Variants in RGS7 observed in about 807,000 individuals in gnomAD.
The protein encoded by RGS7 is regulator of G protein signaling 7, also known as regulator of G-protein signaling 7.
RGS7 carries 27 observed loss-of-function variants against 81.1 expected under a neutral mutation model. The observed-to-expected ratio is 0.33, with a 90% CI of 0.25 to 0.46. RGS7 has a LOEUF of 0.46. Ranked by LOEUF, RGS7 falls within the 20% of genes least tolerant of loss-of-function variation. The pLI is 1.00. For missense variants in RGS7, 396 were observed against 607.4 expected (o/e 0.65, Z 3.66); for synonymous variants, 208 against 207.7 (o/e 1.00, Z -0.01).
chr1:241,121,963 C>T (rs2066298412), intron 2 of RGS7, among the ~76,000 whole-genome samples: 1 of 152,090 alleles, frequency 6.6e-6, no homozygotes, highest in Non-Finnish European at 1.5e-5. Context: ...CTTAGCCTCC[C>T]AAAATGCTGG....
At chr1:240,957,493 C>T (rs1234068104) in intron 4 of RGS7, among the ~76,000 whole-genome samples, 1 of 152,206 alleles carries the variant, frequency 6.6e-6, no homozygotes, top group African/African-American at 2.4e-5. Context: ...CTCCCCTTCA[C>T]ATATACATCT....
chr1:240,890,443 A>G lies in RGS7; in HGVS notation c.386-20324T>C, dbSNP rs931041928. On this transcript the variant is annotated intron_variant, in intron 6 of 18. Coordinates refer to ENST00000440928, the MANE Select transcript of RGS7 (RefSeq NM_001364886.1). ...TGGGATTACAGGGGTGAGCCACCAT[A>G]CCCAGCCTTGCCTCCTTTTTAGAAG... Among the ~76,000 whole-genome samples the G allele has an allele frequency of 3.9e-5, 6 of 152,262 alleles. No individual in the cohort carries two copies. The South Asian group carries it at 8.3e-4, about 21-fold the overall frequency.
chr1:241,022,070 C>T (rs993451133), intron 3 of RGS7, among the ~76,000 whole-genome samples: 2 of 152,204 alleles, frequency 1.3e-5, no homozygotes, highest in Non-Finnish European at 2.9e-5. Context: ...ACAATATTAT[C>T]TGCCATTGAT....
intron 11 of RGS7, among the ~76,000 whole-genome samples, chr1:240,816,045 T>A (rs1422863898): frequency 2.0e-5 from 3 of 152,230 alleles, no homozygotes; most frequent in Non-Finnish European, 4.4e-5. Flanking sequence ...CAAATCAGCA[T>A]ATGTGATTTT....
chr1:240,889,558 C>A (rs188333114), intron 6 of RGS7, among the ~76,000 whole-genome samples: 5 of 152,204 alleles, frequency 3.3e-5, no homozygotes, highest in African/African-American at 7.2e-5. Context: ...GGGATTTACA[C>A]GTAATTATTT....
chr1:241,308,126 G>A (rs952802026), intron 2 of RGS7, among the ~76,000 whole-genome samples: 1 of 151,750 alleles, frequency 6.6e-6, no homozygotes, highest in African/African-American at 2.4e-5. Flanking sequence ...AATGATGCCA[G>A]GCTTTGCTGT....
At chr1:240,777,475 C>G (rs1383764987) in intron 18 of RGS7, among the ~76,000 whole-genome samples, 2 of 152,032 alleles carry the variant, frequency 1.3e-5, no homozygotes, top group Non-Finnish European at 2.9e-5. Flanking sequence ...ACAGTCATAG[C>G]AATACTCTTG....
chr1:241,306,392 C>A (rs1475346001), intron 2 of RGS7, among the ~76,000 whole-genome samples: 1 of 151,060 alleles, frequency 6.6e-6, no homozygotes, highest in Non-Finnish European at 1.5e-5. Flanking sequence ...CCCTTACACC[C>A]TTACACACAC....
At chr1:241,195,223 G>A (rs1262141089) in intron 2 of RGS7, among the ~76,000 whole-genome samples, 1 of 152,150 alleles carries the variant, frequency 6.6e-6, no homozygotes, top group Non-Finnish European at 1.5e-5. Context: ...CGCCTGTAAT[G>A]CCAGCACTTT....
chr1:240,790,609 C>A (rs1300186988), intron 18 of RGS7, among the ~76,000 whole-genome samples: 1 of 152,176 alleles, frequency 6.6e-6, no homozygotes, highest in Admixed American at 6.5e-5. Context: ...GGATTAATAG[C>A]TGGAAGTTAC....
chr1:241,301,810 T>A (rs182949124), intron 2 of RGS7, among the ~76,000 whole-genome samples: 1 of 152,358 alleles, frequency 6.6e-6, no homozygotes, highest in East Asian at 1.9e-4. Context: ...ACCTTTTGAA[T>A]AGAATCTAAA....
intron 4 of RGS7, among the ~76,000 whole-genome samples, chr1:240,951,607 A>G (rs1481237850): frequency 6.6e-6 from 1 of 152,182 alleles, no homozygotes; most frequent in Non-Finnish European, 1.5e-5. Context: ...GAAGAAAAAA[A>G]TAACAAGGAA....
intron 3 of RGS7, among the ~76,000 whole-genome samples, chr1:241,000,471 G>T (rs867503113): frequency 2.6e-5 from 4 of 152,060 alleles, no homozygotes; most frequent in African/African-American, 9.7e-5. Context: ...CAAAACATCT[G>T]AAAACAAAGA....
At position 240,868,145 on chromosome 1, in the gene RGS7, A is replaced by AGAAG; in HGVS notation, c.609+441_609+442insCTTC. Among the ~76,000 whole-genome samples the AGAAG allele has an allele frequency of 2.5e-5, 3 of 118,560 alleles. No individual in the cohort carries two copies. Among genetic ancestry groups the AGAAG allele is most frequent in the African/African-American group, 1.6e-4 (3 of 18,320 alleles). 77.8% of individuals were successfully genotyped at this position (118,560 alleles called of 152,430 possible). The stretch of plus-strand genomic sequence containing the variant: ...AAGAAAGAAAGAAAGAAAGAAAGAA[A>AGAAG]GAAAGAAAGAAAGGACGGAGGGAGG... On this transcript the variant is annotated intron_variant, in intron 9 of 18. Transcript: ENST00000440928. The surrounding 1 kb of genome is among the most constrained non-coding windows in gnomAD (Gnocchi z 5.1).
chr1:241,099,419 C>T (rs1381559106), intron 2 of RGS7, among the ~76,000 whole-genome samples: 1 of 152,110 alleles, frequency 6.6e-6, no homozygotes, highest in Admixed American at 6.5e-5. Context: ...CATACACGTG[C>T]ATGTACACAC....
At chr1:240,924,149 A>G (rs1674033952) in intron 6 of RGS7, among the ~76,000 whole-genome samples, 1 of 152,140 alleles carries the variant, frequency 6.6e-6, no homozygotes, top group Non-Finnish European at 1.5e-5. Context: ...AAAAATTACT[A>G]TTTATCTCAA....
intron 10 of RGS7, 63 bp downstream of exon 10, chr1:240,827,035 G>T: frequency 7.6e-7 from 1 of 1,313,698 alleles, no homozygotes; most frequent in Non-Finnish European, 1.1e-6. Context: ...GTGTTTTTAT[G>T]GCTGACGTCC....
At chr1:240,932,827 T>C (rs1263743215) in intron 5 of RGS7, among the ~76,000 whole-genome samples, 1 of 143,152 alleles carries the variant, frequency 7.0e-6, no homozygotes, top group Admixed American at 7.0e-5. Context: ...TTTTCTGATA[T>C]GCTATTTCTT....
At chr1:241,259,667 A>AAAAAATAT in intron 2 of RGS7, among the ~76,000 whole-genome samples, 6 of 49,146 alleles carry the variant, frequency 1.2e-4, no homozygotes, top group African/African-American at 3.2e-4. Context: ...AAAAAAAAAA[A>AAAAAATAT]ATATATATAT....
Sources: allele counts gnomAD v4.1 joint callset (sites outside exome capture counted in the v4.1 genomes callset), GRCh38; gene constraint gnomAD v4.1.1; non-coding constraint Gnocchi (gnomAD v3.1); transcripts MANE v1.5; gene names NCBI Gene and HGNC (gene_info 2026-07-23, HGNC 2026-07-21).